The following LDLRAD3 variants were observed in gnomAD, a reference collection of about 807,000 sequenced individuals.
The protein encoded by LDLRAD3 is low density lipoprotein receptor class A domain containing 3, also known as low-density lipoprotein receptor class A domain-containing protein 3.
A neutral mutation model predicts 29.4 loss-of-function variants in LDLRAD3; 20 were observed. The observed-to-expected ratio is 0.68, with a 90% confidence interval of 0.48 to 0.99. LDLRAD3 has a LOEUF of 0.99. Among genes scored for constraint, LDLRAD3 ranks in the 50% least tolerant of loss-of-function variants. The pLI is 0.00. For missense variants in LDLRAD3, 420 were observed against 454.3 expected (o/e 0.92, Z 0.69); for synonymous variants, 157 against 192.7 (o/e 0.81, Z 1.53).
intron 2 of LDLRAD3, among the ~76,000 whole-genome samples, chr11:36,055,254 T>C (rs1328548578): frequency 2.0e-5 from 3 of 149,578 alleles, no homozygotes; most frequent in Non-Finnish European, 4.4e-5. Flanking sequence ...TTCCTGCTTG[T>C]AATTAATTTT....
intron 4 of LDLRAD3, among the ~76,000 whole-genome samples, chr11:36,201,037 G>T (rs1242471151): frequency 6.6e-6 from 1 of 152,194 alleles, no homozygotes; most frequent in Non-Finnish European, 1.5e-5. Flanking sequence ...CTGTTGGTTT[G>T]CTGAGCATGA....
intron 2 of LDLRAD3, among the ~76,000 whole-genome samples, chr11:36,070,258 A>G (rs1416376357): frequency 6.6e-6 from 1 of 152,252 alleles, no homozygotes; most frequent in East Asian, 1.9e-4. Flanking sequence ...GGGCACAGGT[A>G]AATGTAAATC....
At chr11:35,957,795 CAAAA>C (rs1177748172) in intron 1 of LDLRAD3, among the ~76,000 whole-genome samples, 1,345 of 79,220 alleles carry the variant, frequency 0.017, 23 homozygotes, top group African/African-American at 0.057. Context: ...GACCTTATCT[CAAAA>C]AAAAAAAAAA....
intron 4 of LDLRAD3, among the ~76,000 whole-genome samples, chr11:36,138,562 G>A (rs2133312560): frequency 6.6e-6 from 1 of 152,318 alleles, no homozygotes; most frequent in South Asian, 2.1e-4. Flanking sequence ...TCTCATGGAG[G>A]TCAGAGGCTT....
intron 1 of LDLRAD3, among the ~76,000 whole-genome samples, chr11:36,013,820 A>G (rs1457486550): frequency 2.0e-5 from 3 of 152,112 alleles, no homozygotes; most frequent in Non-Finnish European, 4.4e-5. Flanking sequence ...GGTGATTGAC[A>G]GTGGCTGTTA....
intron 4 of LDLRAD3, among the ~76,000 whole-genome samples, chr11:36,173,614 C>A (rs1337650715): frequency 6.6e-6 from 1 of 151,968 alleles, no homozygotes; most frequent in East Asian, 1.9e-4. Context: ...GGTTCCAAGT[C>A]TTTGCTATTG....
chr11:36,168,313 G>A (rs1298113105), intron 4 of LDLRAD3, among the ~76,000 whole-genome samples: 1 of 152,112 alleles, frequency 6.6e-6, no homozygotes, highest in Admixed American at 6.5e-5. Flanking sequence ...CTAAGCTTGA[G>A]CATGCAATTT....
rs560502276 is a variant in LDLRAD3, at chr11:36,047,482, T to C, written c.193+11233T>C. On this transcript the variant is annotated intron_variant, in intron 2 of 5. Coordinates refer to ENST00000315571, the MANE Select transcript of LDLRAD3 (RefSeq NM_174902.4). ...GTTTCTTTCTTAGTTGTACATAAAA[T>C]AGTAGCATGCTTTGCACTCAGTGGC... Among the ~76,000 whole-genome samples the C allele has an allele frequency of 2.0e-5, 3 of 152,266 alleles. No homozygotes were observed. In the South Asian group the frequency reaches 6.2e-4, roughly 32 times the overall value.
Position 36,069,192 on chromosome 11 carries a change from T to G in LDLRAD3, c.194-12461T>G, listed in dbSNP as rs945641915. On this transcript the variant is annotated intron_variant, in intron 2 of 5. Transcript: ENST00000315571. ...TTTGCAAAGGCTAGAATTCCAGGAG[T>G]GAGTTTGCTTTCTGGGCTGTTTGTC... Among the ~76,000 whole-genome samples the G allele has an allele frequency of 2.0e-5, 3 of 151,954 alleles. No individual in the cohort carries two copies. The East Asian group carries it at 5.8e-4, about 29-fold the overall frequency.
Position 35,997,536 on chromosome 11 carries a change from T to G in LDLRAD3, c.47-38567T>G, listed in dbSNP as rs187707198. The G allele has an allele frequency of 4.7e-5, 17 of 359,414 alleles. No individual in the cohort carries two copies. In the East Asian group the frequency reaches 1.2e-3, roughly 26 times the overall value. 22.3% of individuals were successfully genotyped at this position (359,414 alleles called of 1,614,324 possible). On this transcript the variant is annotated intron_variant, in intron 1 of 5. Coordinates refer to ENST00000315571, the MANE Select transcript of LDLRAD3 (RefSeq NM_174902.4). Reference sequence around the variant, plus strand: ...TAGACCCTTCCAGTCACCGGTTGCCTTGGCAGTGTCATCACCAACCTTTTT... The same window carrying G: ...TAGACCCTTCCAGTCACCGGTTGCCGTGGCAGTGTCATCACCAACCTTTTT...
intron 4 of LDLRAD3, among the ~76,000 whole-genome samples, chr11:36,170,229 ATGGTGTGTATGTGTG>A (rs1378477664): frequency 5.2e-4 from 78 of 150,698 alleles, no homozygotes; most frequent in Middle Eastern, 3.6e-3. Context: ...ACAATATTCC[ATGGTGTGTATGTGTG>A]TGTATATATA....
At chr11:36,210,092 G>A (rs989110463) in intron 4 of LDLRAD3, among the ~76,000 whole-genome samples, 21 of 152,144 alleles carry the variant, frequency 1.4e-4, no homozygotes, top group Non-Finnish European at 3.1e-4. Context: ...CTTAGCCATG[G>A]TAATCCTGAG....
chr11:36,188,872 T>C (rs1854895779), intron 4 of LDLRAD3, among the ~76,000 whole-genome samples: 1 of 152,122 alleles, frequency 6.6e-6, no homozygotes, highest in Admixed American at 6.5e-5. Flanking sequence ...AGCAGGAGTT[T>C]ATAAAAGTCT....
intron 3 of LDLRAD3, among the ~76,000 whole-genome samples, chr11:36,089,430 C>A (rs1853243796): frequency 1.2e-5 from 1 of 83,724 alleles, no homozygotes; most frequent in Non-Finnish European, 2.2e-5. Context: ...ATTCCCAATA[C>A]ATTTTTTTTT....
chr11:36,011,598 G>A (rs908170143), intron 1 of LDLRAD3, among the ~76,000 whole-genome samples: 1 of 152,106 alleles, frequency 6.6e-6, no homozygotes, highest in Admixed American at 6.5e-5. Context: ...ACCTTTGAAA[G>A]GGTGGAGAGA....
intron 2 of LDLRAD3, among the ~76,000 whole-genome samples, chr11:36,043,678 G>C (rs148227187): frequency 1.3e-5 from 2 of 152,292 alleles, no homozygotes; most frequent in African/African-American, 4.8e-5. Flanking sequence ...CTGGAGGGAG[G>C]CACCTGCAAG....
At chr11:36,162,887 A>AC (rs1011333109) in intron 4 of LDLRAD3, among the ~76,000 whole-genome samples, 1 of 152,128 alleles carries the variant, frequency 6.6e-6, no homozygotes, top group Non-Finnish European at 1.5e-5. Context: ...TCAAATGCAA[A>AC]GGGGGAAACA....
At chr11:36,031,338 T>C (rs1045345758) in intron 1 of LDLRAD3, among the ~76,000 whole-genome samples, 2 of 152,212 alleles carry the variant, frequency 1.3e-5, no homozygotes, top group African/African-American at 4.8e-5. Context: ...TAACCTCTTT[T>C]AAAGCAGACT....
intron 4 of LDLRAD3, among the ~76,000 whole-genome samples, chr11:36,136,757 C>A (rs890236142): frequency 6.6e-6 from 1 of 151,400 alleles, no homozygotes; most frequent in Non-Finnish European, 1.5e-5. Flanking sequence ...GTGGCGCGAT[C>A]TTAGCTCACG....
Sources: allele counts gnomAD v4.1 joint callset (sites outside exome capture counted in the v4.1 genomes callset), GRCh38; gene constraint gnomAD v4.1.1; transcripts MANE v1.5; gene names NCBI Gene and HGNC (gene_info 2026-07-23, HGNC 2026-07-21).